The following NSD3 variants were observed in gnomAD, a reference collection of about 807,000 sequenced individuals.
NSD3 encodes the protein nuclear receptor binding SET domain protein 3.
A neutral mutation model predicts 160.8 loss-of-function variants in NSD3; 24 were observed. That is an observed-to-expected ratio of 0.15 (90% CI 0.11 to 0.21). The LOEUF (loss-of-function observed/expected upper bound fraction) is 0.21. Ranked by LOEUF, NSD3 falls within the 10% of genes least tolerant of loss-of-function variation. The probability of loss-of-function intolerance (pLI) is 1.00; values close to 1 mark genes in which losing one functional copy is unlikely to be tolerated. For missense variants in NSD3, 1,157 were observed against 1,735.9 expected, an observed-to-expected ratio of 0.67 and a Z score of 5.93; for synonymous variants, 520 against 600.0, an observed-to-expected ratio of 0.87 and a Z score of 1.95.
At chr8:38,297,416 A>T (rs1809177567) in intron 15 of NSD3, among the ~76,000 whole-genome samples, 1 of 152,196 alleles carries the variant, frequency 6.6e-6, no homozygotes, top group Non-Finnish European at 1.5e-5. Flanking sequence ...AAAAAAATTG[A>T]TCTTTTCATT....
chr8:38,373,049 CA>C (rs11308161), intron 1 of NSD3, among the ~76,000 whole-genome samples: 30,663 of 106,878 alleles, frequency 0.29, 3,236 homozygotes, highest in East Asian at 0.36. Flanking sequence ...AGACTCCTCT[CA>C]AAAAAAAAAA....
intron 1 of NSD3, among the ~76,000 whole-genome samples, chr8:38,360,253 G>T (rs1810927527): frequency 6.6e-6 from 1 of 152,090 alleles, no homozygotes; most frequent in African/African-American, 2.4e-5. Context: ...CACTTTGGCT[G>T]GGATTACAGC....
intron 1 of NSD3, among the ~76,000 whole-genome samples, chr8:38,369,180 TG>T (rs1811177832): frequency 6.6e-6 from 1 of 152,120 alleles, no homozygotes; most frequent in Non-Finnish European, 1.5e-5. Flanking sequence ...AGGTTCAACA[TG>T]TAGTATTTTA....
intron 14 of NSD3, 69 bp downstream of exon 14, chr8:38,304,518 G>A: frequency 6.7e-7 from 1 of 1,498,668 alleles, no homozygotes; most frequent in East Asian, 2.3e-5. Flanking sequence ...CCAATGCTGA[G>A]ACTCTATGTT....
intron 1 of NSD3, among the ~76,000 whole-genome samples, chr8:38,372,463 T>C (rs961342144): frequency 1.3e-5 from 2 of 151,966 alleles, no homozygotes; most frequent in Non-Finnish European, 2.9e-5. Flanking sequence ...TTTATATTCG[T>C]TGAACTCGCA....
intron 4 of NSD3, among the ~76,000 whole-genome samples, chr8:38,334,525 C>T (rs1163728988): frequency 6.6e-6 from 1 of 151,822 alleles, no homozygotes; most frequent in Admixed American, 6.6e-5. Context: ...GAGGCCGAGG[C>T]AGGCAGATCA....
chr8:38,295,673 T>A, intron 16 of NSD3, 123 bp downstream of exon 16: 1 of 899,434 alleles, frequency 1.1e-6, no homozygotes, highest in Non-Finnish European at 1.6e-6. Context: ...CTTTTCTTTT[T>A]TTTTTTTAAG....
Position 38,337,343 on chromosome 8 carries a change from T to C in NSD3, c.872A>G (p.Asp291Gly). The change falls in exon 4 of 24, where the codon GAT (aspartate) becomes GGT (glycine). Residue 291 changes from aspartate (D) to glycine (G), a missense_variant. Asp to Gly is a moderately conservative substitution (Grantham distance 94). Coordinates refer to ENST00000317025, the MANE Select transcript of NSD3 (RefSeq NM_023034.2). ...TTTAGTATGAACCTCAAGCTGGGGATCACTTGAAACCATACAAGGCCACCA... is the reference window on the plus strand; with the variant it reads ...TTTAGTATGAACCTCAAGCTGGGGACCACTTGAAACCATACAAGGCCACCA... Reference protein sequence around the residue: ...YPWWPCMVSSDPQLEVHTKIN... With the variant: ...YPWWPCMVSSGPQLEVHTKIN... 1 of 1,609,506 alleles carries C rather than the reference T, an allele frequency of 6.2e-7. No homozygotes were observed. The highest frequency in any genetic ancestry group is 8.5e-7 in the Non-Finnish European group (1 of 1,178,588).
chr8:38,356,767 CTA>C (rs751819751), intron 1 of NSD3, among the ~76,000 whole-genome samples: 9 of 151,638 alleles, frequency 5.9e-5, no homozygotes, highest in Non-Finnish European at 1.3e-4. Context: ...TTCTTTTTTT[CTA>C]TGTTTAAAAT....
At chr8:38,298,110 G>A (rs912623244) in intron 15 of NSD3, among the ~76,000 whole-genome samples, 1 of 152,100 alleles carries the variant, frequency 6.6e-6, no homozygotes, top group Non-Finnish European at 1.5e-5. Context: ...AGTAAGATAT[G>A]GTTCAAGTTA....
At chr8:38,287,434 C>G (rs1808888315) in intron 19 of NSD3, among the ~76,000 whole-genome samples, 1 of 151,892 alleles carries the variant, frequency 6.6e-6, no homozygotes, top group Non-Finnish European at 1.5e-5. Context: ...TTAGAAAACC[C>G]TTAAAAAATG....
chr8:38,331,704 G>T (rs1585893480), intron 4 of NSD3, 119 bp from the exon 5 acceptor site: 3 of 1,044,404 alleles, frequency 2.9e-6, no homozygotes, highest in South Asian at 1.8e-5. Flanking sequence ...TGTATGTTTG[G>T]ATTGTCCAAA....
chr8:38,276,715 C>T (rs912360886), intron 22 of NSD3: 79 of 560,852 alleles, frequency 1.4e-4, no homozygotes, highest in South Asian at 1.0e-3. Flanking sequence ...ATGGAGTTCT[C>T]GCTCTGTTGT....
At chr8:38,283,197 C>A (rs1000990858) in intron 19 of NSD3, among the ~76,000 whole-genome samples, 1 of 152,138 alleles carries the variant, frequency 6.6e-6, no homozygotes, top group Admixed American at 6.5e-5. Context: ...AAAATAAGAG[C>A]AAATATTGTA....
chr8:38,327,879 AGAAGTAAAGAAGT>A (rs1336249056), intron 6 of NSD3, among the ~76,000 whole-genome samples: 1 of 152,190 alleles, frequency 6.6e-6, no homozygotes, highest in African/African-American at 2.4e-5. Flanking sequence ...GCAATGGAAT[AGAAGTAAAGAAGT>A]GATTTATAAA....
chr8:38,332,728 G>A (rs745337804), intron 4 of NSD3, among the ~76,000 whole-genome samples: 3 of 151,972 alleles, frequency 2.0e-5, no homozygotes, highest in African/African-American at 7.2e-5. Context: ...CAGGGGAAGG[G>A]CATTCTTTTT....
At chr8:38,296,844 T>C in intron 15 of NSD3, among the ~76,000 whole-genome samples, 1 of 152,064 alleles carries the variant, frequency 6.6e-6, no homozygotes, top group Non-Finnish European at 1.5e-5. Flanking sequence ...CCCAAACTGT[T>C]GGGATTACAG....
intron 16 of NSD3, among the ~76,000 whole-genome samples, chr8:38,293,135 CA>C (rs1005050554): frequency 3.4e-3 from 232 of 68,470 alleles, no homozygotes; most frequent in East Asian, 8.0e-3. Flanking sequence ...GACTTTGTCT[CA>C]AAAAAAAAAA....
chr8:38,317,345 T>C lies in NSD3; in HGVS notation c.1856-1303A>G. 2 of 1,057,816 alleles carry C rather than the reference T, an allele frequency of 1.9e-6. No homozygotes were observed. Among genetic ancestry groups the C allele is most frequent in the South Asian group, 9.1e-5 (2 of 21,904 alleles). The allele number at this position is 1,057,816 out of a possible 1,614,324, so 65.5% of individuals were successfully genotyped here. On this transcript the variant is annotated intron_variant, in intron 9 of 23. Coordinates refer to ENST00000317025, the MANE Select transcript of NSD3 (RefSeq NM_023034.2). The surrounding 1 kb of genome is among the most constrained non-coding windows in gnomAD (Gnocchi z 5.3). The stretch of plus-strand genomic sequence containing the variant: ...ACAAATCTATCTCCTTCATTGCTGG[T>C]GTATGGACCCAGAACACCATCACAA...
Sources: allele counts gnomAD v4.1 joint callset (sites outside exome capture counted in the v4.1 genomes callset), GRCh38; gene constraint gnomAD v4.1.1; non-coding constraint Gnocchi (gnomAD v3.1); transcripts MANE v1.5; gene names NCBI Gene and HGNC (gene_info 2026-07-23, HGNC 2026-07-21).